The following NRXN3 variants were observed in gnomAD, a reference collection of about 807,000 sequenced individuals.
NRXN3 encodes neurexin III.
In NRXN3, 32 loss-of-function variants were observed where a neutral mutation model predicts 137.6. The observed-to-expected ratio is 0.23, with a 90% confidence interval of 0.18 to 0.31. The LOEUF is 0.31. Among genes scored for constraint, NRXN3 ranks in the 10% least tolerant of loss-of-function variants. The pLI is 1.00. For synonymous variants in NRXN3, 798 were observed against 784.5 expected (o/e 1.02, Z -0.29); for missense variants, 1,574 against 2,062.5 (o/e 0.76, Z 4.59).
At chr14:79,189,781 A>C (rs796697865) in intron 15 of NRXN3, among the ~76,000 whole-genome samples, 15 of 152,312 alleles carry the variant, frequency 9.8e-5, no homozygotes, top group African/African-American at 3.1e-4. Flanking sequence ...ACATTATTTC[A>C]TGCATAAAAA....
chr14:79,543,342 T>G (rs1429023629), intron 16 of NRXN3, among the ~76,000 whole-genome samples: 1 of 152,196 alleles, frequency 6.6e-6, no homozygotes, highest in East Asian at 1.9e-4. Flanking sequence ...GCACACAGTG[T>G]CTTCTACCAT....
chr14:79,674,105 G>C (rs2098627992), intron 17 of NRXN3, among the ~76,000 whole-genome samples: 2 of 151,976 alleles, frequency 1.3e-5, no homozygotes, highest in Non-Finnish European at 2.9e-5. Context: ...AGATCAGACA[G>C]GGGCGAGCAT....
At chr14:79,154,723 T>C (rs1480471292) in intron 15 of NRXN3, among the ~76,000 whole-genome samples, 11 of 151,858 alleles carry the variant, frequency 7.2e-5, no homozygotes, top group African/African-American at 2.7e-4. Flanking sequence ...AAAGGAGCAA[T>C]TCAGGCACAA....
intron 4 of NRXN3, among the ~76,000 whole-genome samples, chr14:78,348,757 CTG>C (rs2083087391): frequency 6.6e-6 from 1 of 152,194 alleles, no homozygotes; most frequent in Non-Finnish European, 1.5e-5. Flanking sequence ...ATCCACCTCT[CTG>C]TGTTTTCATG....
intron 15 of NRXN3, among the ~76,000 whole-genome samples, chr14:79,249,745 G>C (rs2075684276): frequency 6.6e-6 from 1 of 152,280 alleles, no homozygotes; most frequent in South Asian, 2.1e-4. Context: ...CTTATGATGT[G>C]ATCTATACAG....
At chr14:78,230,105 A>G (rs1309664129) in intron 1 of NRXN3, among the ~76,000 whole-genome samples, 4 of 151,818 alleles carry the variant, frequency 2.6e-5, no homozygotes, top group Non-Finnish European at 2.9e-5. Flanking sequence ...GCTCACTGCA[A>G]CCTCCGCCTC....
At chr14:78,556,785 A>T (rs571559133) in intron 4 of NRXN3, among the ~76,000 whole-genome samples, 1 of 152,198 alleles carries the variant, frequency 6.6e-6, no homozygotes, top group South Asian at 2.1e-4. Context: ...CCATCAAGAA[A>T]TAGCATTGTG....
chr14:79,084,699 T>A (rs1053815172), intron 15 of NRXN3, among the ~76,000 whole-genome samples: 4 of 152,146 alleles, frequency 2.6e-5, no homozygotes, highest in Admixed American at 1.3e-4. Context: ...ATATGGTGAC[T>A]TTGGTTGGTT....
chr14:79,188,914 T>C (rs987183009), intron 15 of NRXN3, among the ~76,000 whole-genome samples: 12 of 152,036 alleles, frequency 7.9e-5, no homozygotes, highest in African/African-American at 2.7e-4. Flanking sequence ...TGTGGAGAAA[T>C]AGGAACACTT....
In NRXN3 at chr14:79,064,803, A is replaced by ATGTG. The variant is rs370697827; in HGVS notation, c.3262+76680_3262+76683dup. Among the ~76,000 whole-genome samples the ATGTG allele has an allele frequency of 5.5e-3, 710 of 129,234 alleles. 5 individuals are homozygous for ATGTG. The highest frequency in any genetic ancestry group is 0.016 in the South Asian group (71 of 4,322). The allele number at this position is 129,234 out of a possible 152,430, so 84.8% of individuals were successfully genotyped here. On this transcript the variant is annotated intron_variant, in intron 15 of 20. Transcript: ENST00000335750. ...TATATATATATAATTACCCATATAT[A>ATGTG]TGTGTGTGTGTGTGTGTGTGTATAT...
At chr14:79,509,118 C>T (rs2096907649) in intron 16 of NRXN3, among the ~76,000 whole-genome samples, 1 of 152,100 alleles carries the variant, frequency 6.6e-6, no homozygotes, top group African/African-American at 2.4e-5. Flanking sequence ...TTGCTTGAAC[C>T]TGGGAGGCGG....
intron 19 of NRXN3, among the ~76,000 whole-genome samples, chr14:79,735,315 T>C (rs1568053381): frequency 6.6e-6 from 1 of 152,210 alleles, no homozygotes; most frequent in Non-Finnish European, 1.5e-5. Flanking sequence ...CAATGCAGTA[T>C]GTTAGTTGTC....
chr14:79,224,795 A>G (rs1464533413), intron 15 of NRXN3, among the ~76,000 whole-genome samples: 1 of 152,180 alleles, frequency 6.6e-6, no homozygotes, highest in Non-Finnish European at 1.5e-5. Context: ...ATGGCCAGTA[A>G]TGATGAAGGC....
At chr14:78,749,668 T>C (rs1046045415) in intron 8 of NRXN3, among the ~76,000 whole-genome samples, 1 of 152,228 alleles carries the variant, frequency 6.6e-6, no homozygotes, top group Admixed American at 6.5e-5. Context: ...TCTTTGGGAA[T>C]AGAGAAATGG....
At chr14:78,936,682 C>T (rs917240591) in intron 10 of NRXN3, among the ~76,000 whole-genome samples, 1 of 152,080 alleles carries the variant, frequency 6.6e-6, no homozygotes, top group Non-Finnish European at 1.5e-5. Context: ...ATCATGTGTC[C>T]ATTATACTTC....
At chr14:78,865,064 C>T (rs959218474) in intron 10 of NRXN3, among the ~76,000 whole-genome samples, 2 of 152,072 alleles carry the variant, frequency 1.3e-5, no homozygotes, top group African/African-American at 4.8e-5. Context: ...GTCCTGAACC[C>T]CATCAGGTAC....
chr14:79,441,366 C>CTT (rs869170695), intron 15 of NRXN3, among the ~76,000 whole-genome samples: 987 of 67,242 alleles, frequency 0.015, 159 homozygotes, highest in East Asian at 0.019. Context: ...AACAGAAAAT[C>CTT]TTTTTTTTTT....
rs556656970 is a variant in NRXN3, at chr14:78,765,215, G to A, written c.2045-38405G>A. Reference sequence around the variant, plus strand: ...GTTGCCCAGGCTGGAGTGCAATGGCGCAATCTTGGCTCACTGCAACCTCCA... The same window carrying A: ...GTTGCCCAGGCTGGAGTGCAATGGCACAATCTTGGCTCACTGCAACCTCCA... On this transcript the variant is annotated intron_variant, in intron 8 of 20. Coordinates refer to ENST00000335750, the MANE Select transcript of NRXN3 (RefSeq NM_001330195.2). 2.2e-4 allele frequency among the ~76,000 whole-genome samples: 34 copies of A among 152,060 alleles called. No individual in the cohort carries two copies. In the East Asian group the frequency reaches 4.1e-3, roughly 18 times the overall value.
chr14:79,092,348 A>G (rs1273160823), intron 15 of NRXN3, among the ~76,000 whole-genome samples: 1 of 152,234 alleles, frequency 6.6e-6, no homozygotes, highest in Non-Finnish European at 1.5e-5. Context: ...AAATGTAATG[A>G]AGAATATCAA....
Sources: allele counts gnomAD v4.1 joint callset (sites outside exome capture counted in the v4.1 genomes callset), GRCh38; gene constraint gnomAD v4.1.1; transcripts MANE v1.5; gene names NCBI Gene and HGNC (gene_info 2026-07-23, HGNC 2026-07-21).